KANTR: variants seen among roughly 807,000 people sequenced by gnomAD.
KANTR encodes the protein KDM5C adjacent transcript.
downstream of KANTR, among the ~76,000 whole-genome samples, chrX:53,146,991 T>C (rs1291376270): frequency 2.3e-4 from 26 of 111,855 alleles, no homozygotes; most frequent in African/African-American, 8.1e-4. Context: ...AAGGAACAAC[T>C]GGTACCAGCC....
chrX:53,112,159 T>C (rs976623986), intron 2 of KANTR, among the ~76,000 whole-genome samples: 13 of 110,866 alleles, frequency 1.2e-4, no homozygotes, highest in Non-Finnish European at 2.5e-4. Context: ...AAGTCCATTG[T>C]GTCATTCTTA....
At chrX:53,133,379 A>G (rs1933383545) in intron 2 of KANTR, among the ~76,000 whole-genome samples, 1 of 108,684 alleles carries the variant, frequency 9.2e-6, no homozygotes, top group South Asian at 4.1e-4. Context: ...AAAAAAAAGA[A>G]AGAAAGGGGG....
chrX:53,113,724 C>T (rs1449980810), intron 2 of KANTR, among the ~76,000 whole-genome samples: 2 of 106,225 alleles, frequency 1.9e-5, no homozygotes, highest in African/African-American at 3.4e-5. Context: ...GGATTACAGG[C>T]GCATGCCACC....
intron 2 of KANTR, among the ~76,000 whole-genome samples, chrX:53,138,082 T>A (rs1933450469): frequency 9.1e-6 from 1 of 110,002 alleles, no homozygotes; most frequent in Non-Finnish European, 1.9e-5. Flanking sequence ...TTATTTATTT[T>A]TTTGAGATGG....
chrX:53,107,301 G>GT (rs1932966201), intron 2 of KANTR, among the ~76,000 whole-genome samples: 1 of 27,198 alleles, frequency 3.7e-5, no homozygotes, highest in Admixed American at 5.7e-4. Context: ...GATCCTCTTT[G>GT]CTTTTTTTTT....
chrX:53,107,528 C>T (rs1255635042), intron 2 of KANTR, among the ~76,000 whole-genome samples: 2 of 106,984 alleles, frequency 1.9e-5, no homozygotes, highest in African/African-American at 7.0e-5. Context: ...GGAGTATTGC[C>T]ATTTAACAAT....
At chrX:53,113,880 C>T (rs1933082688) in intron 2 of KANTR, among the ~76,000 whole-genome samples, 1 of 106,178 alleles carries the variant, frequency 9.4e-6, no homozygotes, top group African/African-American at 3.4e-5. Context: ...TGCACCCAGT[C>T]GATTGTACTT....
chrX:53,130,314 C>T (rs1268952060), downstream of KANTR, among the ~76,000 whole-genome samples: 1 of 112,172 alleles, frequency 8.9e-6, no homozygotes, highest in Admixed American at 9.4e-5. Flanking sequence ...AATAGTGGGC[C>T]AGGGGGGCCC....
intron 1 of KANTR, among the ~76,000 whole-genome samples, chrX:53,097,320 C>T (rs1932851625): frequency 9.4e-6 from 1 of 106,527 alleles, no homozygotes; most frequent in Non-Finnish European, 1.9e-5. Context: ...ATTCTTCCTC[C>T]TCAAACAACC....
intron 2 of KANTR, among the ~76,000 whole-genome samples, chrX:53,108,913 G>C (rs148508272): frequency 0.016 from 1,760 of 111,211 alleles, 33 homozygotes; most frequent in African/African-American, 0.054. Context: ...TGTTGTCCAG[G>C]CTGGTCTCAA....
downstream of KANTR, among the ~76,000 whole-genome samples, chrX:53,147,016 C>T (rs1241975616): frequency 1.8e-5 from 2 of 111,991 alleles, no homozygotes; most frequent in African/African-American, 6.5e-5. Context: ...CAAAAACATG[C>T]CAAATTGTAA....
chrX:53,109,412 G>A (rs1312355988), intron 2 of KANTR, among the ~76,000 whole-genome samples: 1 of 111,959 alleles, frequency 8.9e-6, no homozygotes, highest in African/African-American at 3.2e-5. Context: ...AGCCTCCCGA[G>A]TAGCTGGGAT....
chrX:53,096,095 C>T (rs1333035029), intron 1 of KANTR, among the ~76,000 whole-genome samples: 1 of 111,205 alleles, frequency 9.0e-6, no homozygotes, highest in African/African-American at 3.3e-5. Flanking sequence ...AGAGGGCCCC[C>T]CAACCATCCT....
At chrX:53,145,077 C>T (rs918731013), downstream of KANTR, among the ~76,000 whole-genome samples, 4 of 111,622 alleles carry the variant, frequency 3.6e-5, no homozygotes, top group African/African-American at 9.8e-5. Context: ...CCAGCATGAG[C>T]GATGCAGAAG....
downstream of KANTR, chrX:53,143,352 GT>G: frequency 1.1e-5 from 8 of 743,410 alleles, no homozygotes; most frequent in Non-Finnish European, 1.4e-5. Context: ...TCATGAGGTA[GT>G]TGGTCAGGTC....
At chrX:53,132,812 C>T (rs1440331759) in intron 2 of KANTR, among the ~76,000 whole-genome samples, 3 of 111,845 alleles carry the variant, frequency 2.7e-5, no homozygotes, top group African/African-American at 9.8e-5. Flanking sequence ...GTGCACTCCA[C>T]AGAGGACCTC....
At chrX:53,106,994 C>T (rs1932961109) in intron 2 of KANTR, among the ~76,000 whole-genome samples, 1 of 109,953 alleles carries the variant, frequency 9.1e-6, no homozygotes, top group Admixed American at 9.7e-5. Context: ...TAAAGGTTAA[C>T]TTCTGGACTC....
intron 1 of KANTR, among the ~76,000 whole-genome samples, chrX:53,095,778 A>G (rs1932841378): frequency 9.0e-6 from 1 of 111,114 alleles, no homozygotes; most frequent in East Asian, 2.8e-4. Context: ...AATTCTTCAC[A>G]AAGTTCTAAA....
chrX:53,122,744 T>C (rs1045695028), intron 2 of KANTR, among the ~76,000 whole-genome samples: 3 of 112,401 alleles, frequency 2.7e-5, no homozygotes, highest in Non-Finnish European at 5.6e-5. Context: ...ATGACATTTA[T>C]AGATTTTCCT....
Sources: gnomAD v4.1 joint callset for allele counts (sites outside exome capture counted in the v4.1 genomes callset) on GRCh38, gnomAD v4.1.1 for gene constraint, MANE v1.5 for transcripts, NCBI Gene and HGNC (gene_info 2026-07-23, HGNC 2026-07-21) for gene names.